Variants in CNTNAP4 observed in about 807,000 individuals in gnomAD.
CNTNAP4 encodes the protein contactin associated protein family member 4.
In CNTNAP4, 98 loss-of-function variants were observed where a neutral mutation model predicts 148.4. The ratio of observed to expected loss-of-function variants is 0.66; its 90% CI spans 0.56 to 0.78. CNTNAP4 has a LOEUF of 0.78. CNTNAP4 is among the 30% of genes least tolerant of loss of function. CNTNAP4 has a pLI of 0.00. For missense variants in CNTNAP4, 1,935 were observed against 1,565.6 expected (o/e 1.24, Z -3.98); for synonymous variants, 730 against 565.1 (o/e 1.29, Z -4.14).
chr16:76,519,374 A>G (rs897012243), intron 15 of CNTNAP4, among the ~76,000 whole-genome samples: 1 of 152,152 alleles, frequency 6.6e-6, no homozygotes, highest in Non-Finnish European at 1.5e-5. Context: ...GAAGCCTTCT[A>G]TATGATGCTT....
intron 3 of CNTNAP4, among the ~76,000 whole-genome samples, chr16:76,425,034 C>T (rs2079333197): frequency 6.6e-6 from 1 of 152,058 alleles, no homozygotes; most frequent in Non-Finnish European, 1.5e-5. Flanking sequence ...AAACAGCTAA[C>T]CTTTCTTACC....
chr16:76,551,052 A>G (rs2084933243), intron 21 of CNTNAP4, among the ~76,000 whole-genome samples: 1 of 152,202 alleles, frequency 6.6e-6, no homozygotes, highest in Admixed American at 6.5e-5. Flanking sequence ...ACATTGTATC[A>G]GGATTTTTAT....
intron 3 of CNTNAP4, among the ~76,000 whole-genome samples, chr16:76,364,190 T>A (rs62051170): frequency 0.041 from 4,993 of 121,166 alleles, 121 homozygotes; most frequent in Middle Eastern, 0.083. Context: ...TGAGCTGATA[T>A]GCCACTGCAT....
chr16:76,527,861 A>C (rs1158057059), intron 17 of CNTNAP4, among the ~76,000 whole-genome samples: 1 of 152,130 alleles, frequency 6.6e-6, no homozygotes, highest in Non-Finnish European at 1.5e-5. Flanking sequence ...TACACAATAA[A>C]ATTTATCTTA....
At chr16:76,525,558 A>T (rs951939982) in intron 17 of CNTNAP4, among the ~76,000 whole-genome samples, 3 of 147,176 alleles carry the variant, frequency 2.0e-5, no homozygotes, top group Non-Finnish European at 4.5e-5. Flanking sequence ...GAGACAGCCA[A>T]TAAAAAAGAA....
At chr16:76,555,994 G>A (rs995705257) in intron 23 of CNTNAP4, among the ~76,000 whole-genome samples, 1 of 152,146 alleles carries the variant, frequency 6.6e-6, no homozygotes, top group East Asian at 1.9e-4. Context: ...ACACAATCTG[G>A]TAGAACTGTG....
At chr16:76,544,002 A>G (rs1375018128) in intron 21 of CNTNAP4, among the ~76,000 whole-genome samples, 1 of 152,218 alleles carries the variant, frequency 6.6e-6, no homozygotes, top group East Asian at 1.9e-4. Context: ...GGTAGACGTT[A>G]CATCTGCCCT....
intron 3 of CNTNAP4, among the ~76,000 whole-genome samples, chr16:76,425,273 C>T (rs1167686822): frequency 2.0e-5 from 3 of 152,134 alleles, no homozygotes; most frequent in African/African-American, 7.2e-5. Flanking sequence ...AGTGTCCCTG[C>T]CATGGGTTGA....
At chr16:76,352,444 C>G (rs183271114) in intron 2 of CNTNAP4, among the ~76,000 whole-genome samples, 1 of 152,166 alleles carries the variant, frequency 6.6e-6, no homozygotes, top group Admixed American at 6.5e-5. Flanking sequence ...TGAGTCTTTT[C>G]TACATCCACT....
At chr16:76,505,053 T>C (rs1222073046) in intron 15 of CNTNAP4, among the ~76,000 whole-genome samples, 1 of 152,176 alleles carries the variant, frequency 6.6e-6, no homozygotes, top group African/African-American at 2.4e-5. Context: ...TGGAAAAGAA[T>C]TTGGTTTCTT....
intron 18 of CNTNAP4, 28 bp downstream of exon 18, chr16:76,535,812 G>A: frequency 6.3e-7 from 1 of 1,590,854 alleles, no homozygotes; most frequent in South Asian, 1.1e-5. Context: ...GACTGTAAGA[G>A]GAAAATTTAT....
At chr16:76,494,401 T>G (rs1264443674) in intron 13 of CNTNAP4, among the ~76,000 whole-genome samples, 1 of 151,938 alleles carries the variant, frequency 6.6e-6, no homozygotes, top group African/African-American at 2.4e-5. Context: ...GACAAGGGAG[T>G]GCCAAATCAT....
At chr16:76,307,074 T>C (rs1238980069) in intron 1 of CNTNAP4, among the ~76,000 whole-genome samples, 1 of 152,006 alleles carries the variant, frequency 6.6e-6, no homozygotes, top group African/African-American at 2.4e-5. Flanking sequence ...AGCCTAACAA[T>C]AACAAAAGTA....
At chr16:76,537,437 G>T (rs879213591) in intron 18 of CNTNAP4, among the ~76,000 whole-genome samples, 2 of 109,836 alleles carry the variant, frequency 1.8e-5, no homozygotes, top group Non-Finnish European at 4.1e-5. Context: ...TCATACATAT[G>T]TATTTGGTGT....
At chr16:76,393,620 G>A (rs2078100861) in intron 3 of CNTNAP4, among the ~76,000 whole-genome samples, 1 of 151,940 alleles carries the variant, frequency 6.6e-6, no homozygotes, top group African/African-American at 2.4e-5. Flanking sequence ...CCTGTGGGAT[G>A]AAGCAGGCAT....
intron 17 of CNTNAP4, among the ~76,000 whole-genome samples, chr16:76,529,550 C>G (rs1426696706): frequency 6.6e-6 from 1 of 152,128 alleles, no homozygotes; most frequent in African/African-American, 2.4e-5. Flanking sequence ...TTAAATTAGC[C>G]TTGAATTGAT....
intron 3 of CNTNAP4, among the ~76,000 whole-genome samples, chr16:76,414,473 C>T (rs7499253): frequency 0.72 from 108,824 of 150,734 alleles, 41,164 homozygotes; most frequent in Non-Finnish European, 0.84. Context: ...TGGGTAAGAT[C>T]GACTTTTATT....
intron 3 of CNTNAP4, among the ~76,000 whole-genome samples, chr16:76,426,476 G>T (rs2145040583): frequency 6.6e-6 from 1 of 152,206 alleles, no homozygotes; most frequent in Non-Finnish European, 1.5e-5. Flanking sequence ...TGACAAGGAA[G>T]GTGAGAAATA....
intron 21 of CNTNAP4, among the ~76,000 whole-genome samples, chr16:76,551,305 G>A (rs2084942119): frequency 6.6e-6 from 1 of 151,876 alleles, no homozygotes; most frequent in South Asian, 2.1e-4. Context: ...GGCTGAGGCA[G>A]GAGAATTACT....
Sources: allele counts gnomAD v4.1 joint callset (sites outside exome capture counted in the v4.1 genomes callset), GRCh38; gene constraint gnomAD v4.1.1; transcripts MANE v1.5; gene names NCBI Gene and HGNC (gene_info 2026-07-23, HGNC 2026-07-21).